Variants in GALC observed in about 807,000 individuals in gnomAD.
GALC encodes galactosylceramidase, also known as galactocerebrosidase.
In GALC, 77 loss-of-function variants were observed where a neutral mutation model predicts 91.8. The ratio of observed to expected loss-of-function variants is 0.84; its 90% confidence interval spans 0.70 to 1.01. GALC has a LOEUF of 1.01. Ranked by LOEUF, GALC falls within the 50% of genes least tolerant of loss-of-function variation. The pLI is 0.00. For missense variants in GALC, 882 were observed against 855.9 expected, an observed-to-expected ratio of 1.03 and a Z score of -0.38; for synonymous variants, 357 against 306.7, an observed-to-expected ratio of 1.16 and a Z score of -1.71.
chr14:87,989,436 G>A (rs1887105222), intron 1 of GALC: 1 of 151,884 alleles, frequency 6.6e-6, no homozygotes, highest in African/African-American at 2.4e-5. Context: ...AACACCCATG[G>A]AGCTGCTCTC....
intron 6 of GALC, among the ~76,000 whole-genome samples, chr14:87,980,803 A>G (rs1567006304): frequency 6.6e-6 from 1 of 152,352 alleles, no homozygotes; most frequent in South Asian, 2.1e-4. Flanking sequence ...CTCTATCCTT[A>G]TATTATAACC....
upstream of GALC, chr14:87,993,361 A>G: frequency 2.0e-6 from 3 of 1,535,466 alleles, no homozygotes; most frequent in Non-Finnish European, 2.6e-6. Flanking sequence ...GTGGTCAGCT[A>G]CTGGATTTCA....
chr14:87,950,828 C>A, intron 10 of GALC, 80 bp from the exon 11 acceptor site: 1 of 793,990 alleles, frequency 1.3e-6, no homozygotes, highest in Non-Finnish European at 2.2e-6. Flanking sequence ...AGTTAATGCC[C>A]AAGATTAACA....
intron 7 of GALC, among the ~76,000 whole-genome samples, chr14:87,971,034 A>G (rs1328288333): frequency 6.6e-6 from 1 of 152,202 alleles, no homozygotes; most frequent in Non-Finnish European, 1.5e-5. Flanking sequence ...ACAGAGGAAC[A>G]TATTTGTACT....
rs761631708 is a variant in GALC, at chr14:87,945,628, T to C, written c.1595A>G (p.Gln532Arg). ...TGTAATGGGTCTCTGGTTGAGAACT[T>C]GGCGTAGCGTGAAGTGATGCTCGCC... ...DPGEHHFTLR[Q>R]VLNQRPITWA... Residue 532 changes from glutamine (Q) to arginine (R), a missense_variant, in exon 14 of 17, where the codon CAA becomes CGA. Coordinates refer to ENST00000261304, the MANE Select transcript of GALC (RefSeq NM_000153.4). 1 of 1,610,684 alleles carries C rather than the reference T, an allele frequency of 6.2e-7. No homozygotes were observed. Among genetic ancestry groups the C allele is most frequent in the South Asian group, 1.1e-5 (1 of 91,038 alleles).
At chr14:87,987,122 C>T in intron 3 of GALC, 2 of 437,786 alleles carry the variant, frequency 4.6e-6, no homozygotes, top group South Asian at 3.3e-5. Flanking sequence ...CTAAAAATAA[C>T]AAAATTCTAT....
rs182895213 is a variant in GALC, at chr14:87,982,287, A to T, written c.583-44T>A. 2.3e-6 allele frequency: 3 copies of T among 1,312,450 alleles called. No individual in the cohort carries two copies. The South Asian group carries it at 3.6e-5, about 16-fold the overall frequency. 81.3% of individuals were successfully genotyped at this position (1,312,450 alleles called of 1,614,324 possible). ...AAAAAGTCTGAATTGAAAGTTACAA[A>T]ATGTCAGAAAGCAGATTATCGTTAC... On this transcript the variant is annotated intron_variant, in intron 5 of 16. Coordinates refer to ENST00000261304, the MANE Select transcript of GALC (RefSeq NM_000153.4).
At chr14:87,993,496 G>A (rs543149206), upstream of GALC, 25 of 1,534,106 alleles carry the variant, frequency 1.6e-5, 2 homozygotes, top group South Asian at 2.1e-4. Flanking sequence ...CTCTTCCCCA[G>A]CATCTCAGGG....
intron 16 of GALC, among the ~76,000 whole-genome samples, chr14:87,935,541 A>T (rs1055061369): frequency 6.6e-6 from 1 of 152,062 alleles, no homozygotes; most frequent in Admixed American, 6.6e-5. Context: ...GGTCACTGAC[A>T]GTGAAAGAAA....
chr14:87,993,129 G>A lies in GALC; in HGVS notation c.36C>T (p.Arg12=). ...CGGCCGCAGTCATAGCTTTCGCTCG[G>A]CGTTGCCAGGAAGCCGAGAGTAGCC... The part of the protein sequence containing the change: ...AEWLLSASWQ[R]RAKAMTAAAG... The change falls in exon 1 of 17, where the codon CGC becomes CGT. Residue 12 remains arginine (R), a synonymous_variant. Transcript: ENST00000261304. 1.3e-6 allele frequency: 2 copies of A among 1,585,228 alleles called. No homozygotes were observed. The highest frequency in any genetic ancestry group is 1.7e-6 in the Non-Finnish European group (2 of 1,166,902).
chr14:87,976,415 G>A lies in GALC; in HGVS notation c.695C>T (p.Ser232Phe). The stretch of plus-strand genomic sequence containing the variant: ...ATCAAGGAGCATGGATGCAGAGATG[G>A]ACTCCCAGAGATTATCACTTGCTAT... ...KIIASDNLWE[S>F]ISASMLLDAE... is the part of the protein sequence containing the mutation. Residue 232 changes from serine to phenylalanine, a missense_variant, in exon 7 of 17, where the codon TCC becomes TTC. Coordinates refer to ENST00000261304, the MANE Select transcript of GALC (RefSeq NM_000153.4). 6.2e-7 allele frequency: 1 copy of A among 1,613,578 alleles called. No homozygotes were observed. The highest frequency in any genetic ancestry group is 1.1e-5 in the South Asian group (1 of 91,076).
intron 6 of GALC, chr14:87,981,167 G>A (rs1886732455): frequency 6.6e-6 from 1 of 152,360 alleles, no homozygotes; most frequent in East Asian, 1.9e-4. Flanking sequence ...CAAGCTGGAT[G>A]GGATTGGAGA....
At chr14:87,954,696 T>G in intron 10 of GALC, 1 of 1,554,504 alleles carries the variant, frequency 6.4e-7, no homozygotes, top group South Asian at 1.1e-5. Context: ...GAGCTGTCAT[T>G]TCCTATTACG....
At position 87,982,553 on chromosome 14, in the gene GALC, T is replaced by C. The variant is rs144780079; in HGVS notation, c.583-310A>G. ...CAACACATACTGACAGTACAATGTG[T>C]GCCAGAAACTATACTAGGCATTGGA... On this transcript the variant is annotated intron_variant, in intron 5 of 16. Coordinates refer to ENST00000261304, the MANE Select transcript of GALC (RefSeq NM_000153.4). Among the ~76,000 whole-genome samples the C allele has an allele frequency of 1.5e-3, 230 of 152,320 alleles. 2 individuals are homozygous for C. The highest frequency in any genetic ancestry group is 4.8e-3 in the Admixed American group (74 of 15,308).
intron 7 of GALC, 70 bp from the exon 8 acceptor site, chr14:87,968,560 T>A: frequency 7.1e-7 from 1 of 1,417,870 alleles, no homozygotes; most frequent in Non-Finnish European, 1.0e-6. Flanking sequence ...TATAGATTTG[T>A]TGAGTATATA....
intron 10 of GALC, among the ~76,000 whole-genome samples, chr14:87,959,118 TAAAC>T (rs1352191752): frequency 1.3e-5 from 2 of 152,008 alleles, no homozygotes; most frequent in East Asian, 1.9e-4. Context: ...GTAAAGAACT[TAAAC>T]AACGACAACA....
intron 6 of GALC, chr14:87,976,954 GA>G (rs1023383268): frequency 3.8e-4 from 44 of 116,636 alleles, no homozygotes; most frequent in South Asian, 5.7e-4. Flanking sequence ...AATGTAAAAA[GA>G]AAAAAAAAAC....
At position 87,983,242 on chromosome 14, in the gene GALC, G is replaced by C. The variant is rs376763664; in HGVS notation, c.583-999C>G. On this transcript the variant is annotated intron_variant, in intron 5 of 16. Coordinates refer to ENST00000261304, the MANE Select transcript of GALC (RefSeq NM_000153.4). ...GTAATCCCAGCTACTTGAGGCAGGA[G>C]AATCACTTGAACCCAGGAGGCAGAG... Among the ~76,000 whole-genome samples, 138 of 152,014 alleles carry C rather than the reference G, an allele frequency of 9.1e-4. 3 individuals are homozygous for C. In the South Asian group the frequency reaches 0.027, roughly 29 times the overall value.
At chr14:87,982,301 G>T in intron 5 of GALC, 58 bp from the exon 6 acceptor site, 3 of 1,142,000 alleles carry the variant, frequency 2.6e-6, no homozygotes, top group South Asian at 1.2e-5. Flanking sequence ...TCAGAAAGCA[G>T]ATTATCGTTA....
Sources: allele counts gnomAD v4.1 joint callset (sites outside exome capture counted in the v4.1 genomes callset), GRCh38; gene constraint gnomAD v4.1.1; transcripts MANE v1.5; gene names NCBI Gene and HGNC (gene_info 2026-07-23, HGNC 2026-07-21).